Variants in CFAP20DC observed in about 807,000 individuals in gnomAD.
CFAP20DC encodes the protein CFAP20 domain containing.
Under a neutral mutation model 101.7 loss-of-function variants are expected in CFAP20DC, and 84 were observed. That is an observed-to-expected ratio of 0.83 (90% CI 0.69 to 0.99). CFAP20DC has a LOEUF of 0.99. Ranked by LOEUF, CFAP20DC falls within the 50% of genes least tolerant of loss-of-function variation. The pLI is 0.00. For missense variants in CFAP20DC, 1,007 were observed against 970.3 expected (o/e 1.04, Z -0.50); for synonymous variants, 359 against 351.2 (o/e 1.02, Z -0.25).
At chr3:58,935,956 C>T (rs1392681772) in intron 5 of CFAP20DC, among the ~76,000 whole-genome samples, 3 of 151,826 alleles carry the variant, frequency 2.0e-5, no homozygotes, top group African/African-American at 7.3e-5. Flanking sequence ...TTCTGCACAG[C>T]AAAAGAAACT....
chr3:58,930,918 G>T (rs554555305), intron 5 of CFAP20DC, among the ~76,000 whole-genome samples: 188 of 152,246 alleles, frequency 1.2e-3, no homozygotes, highest in Non-Finnish European at 2.2e-3. Context: ...GACAGTGGGC[G>T]CAGGACAGTG....
chr3:58,950,883 A>G (rs2090023091), intron 4 of CFAP20DC, among the ~76,000 whole-genome samples: 1 of 152,198 alleles, frequency 6.6e-6, no homozygotes, highest in African/African-American at 2.4e-5. Flanking sequence ...ACCAAAAGCA[A>G]TGGCAACAAA....
chr3:58,773,415 G>GAAAAAGA (rs1553654757), intron 15 of CFAP20DC, among the ~76,000 whole-genome samples: 3 of 150,040 alleles, frequency 2.0e-5, no homozygotes, highest in Non-Finnish European at 3.0e-5. Flanking sequence ...AAAAGAAAAA[G>GAAAAAGA]AAAAAAAAGT....
Position 58,724,607 on chromosome 3 carries a change from C to T in CFAP20DC, c.198-6979G>A, listed in dbSNP as rs979546240. ...CTCTTGCTACAGATTACGCCTATGA[C>T]GCACTGCCACCCTTTCACTGTTTCG... On this transcript the variant is annotated intron_variant, in intron 3 of 3. Transcript: ENST00000486145. The surrounding 1 kb of genome is among the most constrained non-coding windows in gnomAD (Gnocchi z 5.6). 9.2e-5 allele frequency among the ~76,000 whole-genome samples: 14 copies of T among 152,176 alleles called. No individual in the cohort carries two copies. Among genetic ancestry groups the T allele is most frequent in the African/African-American group, 2.9e-4 (12 of 41,442 alleles).
At chr3:59,000,358 T>C (rs890068704) in intron 4 of CFAP20DC, among the ~76,000 whole-genome samples, 2 of 152,200 alleles carry the variant, frequency 1.3e-5, no homozygotes, top group African/African-American at 4.8e-5. Flanking sequence ...AGAAGAGATG[T>C]TTCAGCTTCA....
At chr3:58,982,690 C>T (rs1576588477) in intron 4 of CFAP20DC, among the ~76,000 whole-genome samples, 1 of 119,954 alleles carries the variant, frequency 8.3e-6, no homozygotes, top group South Asian at 2.8e-4. Context: ...GGGAACATCA[C>T]ACTTCGGAGA....
At chr3:58,994,922 T>C (rs1283530405) in intron 4 of CFAP20DC, among the ~76,000 whole-genome samples, 3 of 152,078 alleles carry the variant, frequency 2.0e-5, no homozygotes. Flanking sequence ...CTTTGCCTCC[T>C]TATGCAGCAG....
At chr3:58,890,230 G>C (rs2082051980) in intron 6 of CFAP20DC, among the ~76,000 whole-genome samples, 1 of 149,974 alleles carries the variant, frequency 6.7e-6, no homozygotes, top group African/African-American at 2.5e-5. Flanking sequence ...CGGGCAGAGG[G>C]GCTCTTCACT....
intron 12 of CFAP20DC, among the ~76,000 whole-genome samples, chr3:58,850,199 T>C (rs960173601): frequency 5.3e-5 from 8 of 152,208 alleles, no homozygotes; most frequent in Non-Finnish European, 7.3e-5. Flanking sequence ...GCTATTTCAA[T>C]TGGTAGATTT....
chr3:59,035,621 A>AT (rs2094085872), intron 4 of CFAP20DC, among the ~76,000 whole-genome samples: 1 of 152,232 alleles, frequency 6.6e-6, no homozygotes, highest in East Asian at 1.9e-4. Context: ...TCCTGGACAC[A>AT]TATAACCTCC....
chr3:58,919,692 A>G (rs1350556333), intron 5 of CFAP20DC, among the ~76,000 whole-genome samples: 2 of 152,202 alleles, frequency 1.3e-5, no homozygotes, highest in Admixed American at 1.3e-4. Flanking sequence ...GCAGTTCTAC[A>G]GTTTTCAATG....
At chr3:58,752,396 G>A (rs1161056192) in intron 16 of CFAP20DC, among the ~76,000 whole-genome samples, 2 of 152,096 alleles carry the variant, frequency 1.3e-5, no homozygotes, top group Admixed American at 6.6e-5. Context: ...AGAATGGCCA[G>A]CACACTTCTA....
At chr3:59,011,968 T>C (rs2093593537) in intron 4 of CFAP20DC, among the ~76,000 whole-genome samples, 1 of 152,210 alleles carries the variant, frequency 6.6e-6, no homozygotes, top group Non-Finnish European at 1.5e-5. Context: ...ATTTACTTGT[T>C]ATAAAAACAT....
At chr3:58,809,462 T>C (rs1478457632) in intron 14 of CFAP20DC, among the ~76,000 whole-genome samples, 1 of 151,862 alleles carries the variant, frequency 6.6e-6, no homozygotes, top group African/African-American at 2.4e-5. Context: ...ACTGGGTACA[T>C]AACGAAATGA....
chr3:59,028,099 C>T (rs2093924771), intron 4 of CFAP20DC, among the ~76,000 whole-genome samples: 1 of 152,196 alleles, frequency 6.6e-6, no homozygotes, highest in Non-Finnish European at 1.5e-5. Context: ...ACAGTAAACA[C>T]TCCCTTTGCT....
chr3:59,049,136 T>C (rs1474168781), intron 1 of CFAP20DC, among the ~76,000 whole-genome samples: 1 of 152,194 alleles, frequency 6.6e-6, no homozygotes, highest in Non-Finnish European at 1.5e-5. Flanking sequence ...TGACTCCCAG[T>C]TCTGTAAAAA....
intron 5 of CFAP20DC, among the ~76,000 whole-genome samples, chr3:58,930,188 C>G (rs1052263417): frequency 2.6e-5 from 4 of 152,186 alleles, no homozygotes; most frequent in Non-Finnish European, 4.4e-5. Context: ...CTTAGCTCAT[C>G]TGACTTTAAG....
At chr3:59,020,717 TGAG>T (rs1447154641) in intron 4 of CFAP20DC, among the ~76,000 whole-genome samples, 1 of 152,046 alleles carries the variant, frequency 6.6e-6, no homozygotes, top group Non-Finnish European at 1.5e-5. Flanking sequence ...CACACATATA[TGAG>T]GAGAAGCTTT....
chr3:58,766,646 C>T (rs1290620488), intron 15 of CFAP20DC, among the ~76,000 whole-genome samples: 1 of 152,180 alleles, frequency 6.6e-6, no homozygotes, highest in Non-Finnish European at 1.5e-5. Context: ...ATTACCTTAG[C>T]CTTTGAGGCT....
Sources: gnomAD v4.1 joint callset for allele counts (sites outside exome capture counted in the v4.1 genomes callset) on GRCh38, gnomAD v4.1.1 for gene constraint, Gnocchi (gnomAD v3.1) non-coding constraint, MANE v1.5 for transcripts, NCBI Gene and HGNC (gene_info 2026-07-23, HGNC 2026-07-21) for gene names.